PNLIPRP3: variants seen among roughly 807,000 people sequenced by gnomAD.
PNLIPRP3 encodes pancreatic lipase related protein 3.
In PNLIPRP3, 58 loss-of-function variants were observed where a neutral mutation model predicts 52.8. That is an observed-to-expected ratio of 1.10 (90% CI 0.89 to 1.37). The LOEUF (loss-of-function observed/expected upper bound fraction) is 1.37, where lower values mean the gene tolerates loss of function less well. PNLIPRP3 is among the 40% of genes most tolerant of loss of function. The probability of loss-of-function intolerance (pLI) is 0.00; values close to 1 mark genes in which losing one functional copy is unlikely to be tolerated. For missense variants in PNLIPRP3, 593 were observed against 561.6 expected (o/e 1.06, Z -0.57); for synonymous variants, 192 against 185.0 (o/e 1.04, Z -0.31).
At chr10:116,450,953 T>C (rs1264789014) in intron 4 of PNLIPRP3, among the ~76,000 whole-genome samples, 2 of 151,982 alleles carry the variant, frequency 1.3e-5, no homozygotes, top group Non-Finnish European at 2.9e-5. Context: ...TTGTGAAATG[T>C]ATATGGAAGC....
Position 116,442,974 on chromosome 10 carries a change from G to T in PNLIPRP3, c.205-81G>T, listed in dbSNP as rs779417711. ...AGATCAAATTTAGTGAAAGGCTTTC[G>T]AGCAGCTTTAGAATAGGTCTACTAA... On this transcript the variant is annotated intron_variant, in intron 2 of 11. Transcript: ENST00000369230. 309 of 1,076,560 alleles carry T rather than the reference G, an allele frequency of 2.9e-4. 1 individual carries two copies. The highest frequency in any genetic ancestry group is 3.7e-4 in the Non-Finnish European group (301 of 823,730). 66.7% of individuals were successfully genotyped at this position (1,076,560 alleles called of 1,614,324 possible).
chr10:116,456,463 A>G (rs1228266136), intron 5 of PNLIPRP3, among the ~76,000 whole-genome samples: 2 of 152,174 alleles, frequency 1.3e-5, no homozygotes, highest in Non-Finnish European at 2.9e-5. Context: ...ATGGACAACT[A>G]TTATATATCA....
intron 9 of PNLIPRP3, among the ~76,000 whole-genome samples, chr10:116,469,926 A>G (rs1006081126): frequency 2.6e-5 from 4 of 151,104 alleles, no homozygotes; most frequent in Non-Finnish European, 5.9e-5. Context: ...AGGCCACAAG[A>G]TGGAAGCAGG....
At chr10:116,451,151 T>C (rs1748915601) in intron 4 of PNLIPRP3, among the ~76,000 whole-genome samples, 1 of 152,068 alleles carries the variant, frequency 6.6e-6, no homozygotes. Context: ...TCCACAAGGG[T>C]GCCAAGAATA....
Position 116,475,157 on chromosome 10 carries a change from A to G in PNLIPRP3, c.1173-1495A>G, listed in dbSNP as rs546261192. 8.5e-5 allele frequency among the ~76,000 whole-genome samples: 13 copies of G among 152,328 alleles called. No homozygotes were observed. In the South Asian group the frequency reaches 2.7e-3, roughly 32 times the overall value. On this transcript the variant is annotated intron_variant, in intron 10 of 11. Transcript: ENST00000369230. ...AGGAACATGGATGGAGCTGGAGGCC[A>G]TTATCCTTAGCAAACTAATGCAGGA...
In PNLIPRP3 at chr10:116,476,654, G is replaced by GA; in HGVS notation, c.1179dup (p.Leu394ThrfsTer2). 1.3e-6 allele frequency: 2 copies of GA among 1,563,926 alleles called. No individual in the cohort carries two copies. The highest frequency in any genetic ancestry group is 2.8e-5 in the African/African-American group (2 of 72,232). ...ACGAGTCTTATTTTTGTTTACAGTG[G>GA]AAAACTTGAGCCAGGCATGACTTAC... On this transcript the variant is annotated frameshift_variant, in exon 11 of 12. Transcript: ENST00000369230. LOFTEE classifies it high-confidence loss of function.
chr10:116,437,972 A>C (rs1259741630), intron 2 of PNLIPRP3, among the ~76,000 whole-genome samples: 1 of 152,178 alleles, frequency 6.6e-6, no homozygotes, highest in Non-Finnish European at 1.5e-5. Flanking sequence ...AAACAGCCTG[A>C]ACTGCAGTAA....
intron 4 of PNLIPRP3, among the ~76,000 whole-genome samples, chr10:116,445,942 TG>T (rs750874368): frequency 2.0e-5 from 3 of 152,014 alleles, no homozygotes; most frequent in Non-Finnish European, 4.4e-5. Context: ...TGCTTGGGAA[TG>T]GGGTAGGAAG....
At chr10:116,459,446 C>T (rs1332901013) in intron 5 of PNLIPRP3, among the ~76,000 whole-genome samples, 2 of 152,086 alleles carry the variant, frequency 1.3e-5, no homozygotes, top group African/African-American at 4.8e-5. Flanking sequence ...TATATCACAG[C>T]AAAGGGATTT....
chr10:116,435,459 C>A (rs111547243), intron 1 of PNLIPRP3, among the ~76,000 whole-genome samples: 17,764 of 143,414 alleles, frequency 0.12, 1,276 homozygotes, highest in Admixed American at 0.24. Context: ...AAAAAAAAAA[C>A]CAACCAAACA....
chr10:116,436,453 T>C (rs1845775012), intron 1 of PNLIPRP3, among the ~76,000 whole-genome samples: 1 of 152,116 alleles, frequency 6.6e-6, no homozygotes, highest in Admixed American at 6.5e-5. Flanking sequence ...TTTTGGAATA[T>C]GACAACAAAA....
chr10:116,468,883 A>G (rs1415596739), intron 8 of PNLIPRP3, among the ~76,000 whole-genome samples: 1 of 152,234 alleles, frequency 6.6e-6, no homozygotes, highest in African/African-American at 2.4e-5. Flanking sequence ...TTTAATTAAC[A>G]TATGCTTGAC....
chr10:116,443,801 G>GTGTGTA lies in PNLIPRP3; in HGVS notation c.325-581_325-580insTGTGTA, dbSNP rs1845898955. ...TGTGTGTGTGTATGTATGTGTGTGT[G>GTGTGTA]CATATATATATATATATATATATAT... is the stretch of plus-strand genomic sequence containing the variant. On this transcript the variant is annotated intron_variant, in intron 3 of 11. Coordinates refer to ENST00000369230, the MANE Select transcript of PNLIPRP3 (RefSeq NM_001011709.3). Among the ~76,000 whole-genome samples the GTGTGTA allele has an allele frequency of 1.9e-3, 21 of 11,154 alleles. 2 individuals carry two copies. The East Asian group carries it at 0.025, about 13-fold the overall frequency. The allele number at this position is 11,154 out of a possible 152,430, so 7.3% of individuals were successfully genotyped here. A position where few individuals can be genotyped will look rare whatever the true frequency, so the allele number is the denominator to read the frequency against.
chr10:116,445,616 AGCTGTGG>A (rs1355311825), intron 4 of PNLIPRP3, among the ~76,000 whole-genome samples: 1 of 151,722 alleles, frequency 6.6e-6, no homozygotes, highest in Non-Finnish European at 1.5e-5. Flanking sequence ...TTAGGGCCTG[AGCTGTGG>A]GCTTTCCTAT....
chr10:116,451,828 A>G (rs1271233034), intron 4 of PNLIPRP3, among the ~76,000 whole-genome samples: 1 of 112,860 alleles, frequency 8.9e-6, no homozygotes, highest in African/African-American at 2.8e-5. Context: ...TAGCAACACA[A>G]GAATGAACTA....
At position 116,443,173 on chromosome 10, in the gene PNLIPRP3, A is replaced by T. The variant is rs1425139304; in HGVS notation, c.323A>T (p.Asn108Ile). The change falls in exon 3 of 12, where the codon AAT becomes ATT. Residue 108 changes from asparagine to isoleucine, a missense_variant and splice_region_variant. Transcript: ENST00000369230. The part of the protein sequence containing the change: ...TDGKWQRDMC[N>I]VLLQLEDINC... ...GGCAAATGGCAGAGAGACATGTGCA[A>T]TGTATGACATGAATAAGCTCCTTTT... 1 of 1,606,882 alleles carries T rather than the reference A, an allele frequency of 6.2e-7. No individual in the cohort carries two copies. Among genetic ancestry groups the T allele is most frequent in the Non-Finnish European group, 8.5e-7 (1 of 1,176,278 alleles).
chr10:116,433,494 C>T (rs980824636), intron 1 of PNLIPRP3, among the ~76,000 whole-genome samples: 11 of 152,184 alleles, frequency 7.2e-5, no homozygotes, highest in African/African-American at 2.2e-4. Context: ...AAAATAACAA[C>T]GGGTTTTCAT....
intron 7 of PNLIPRP3, among the ~76,000 whole-genome samples, chr10:116,461,917 C>T (rs60072620): frequency 0.058 from 8,778 of 152,090 alleles, 284 homozygotes; most frequent in East Asian, 0.14. Flanking sequence ...GGCAGGTTCA[C>T]GACAGTGAGG....
intron 4 of PNLIPRP3, among the ~76,000 whole-genome samples, chr10:116,453,682 C>G (rs1846071810): frequency 6.6e-6 from 1 of 152,116 alleles, no homozygotes; most frequent in African/African-American, 2.4e-5. Flanking sequence ...CCCCTCCCCA[C>G]TTGCCTTTTA....
Sources: gnomAD v4.1 joint callset for allele counts (sites outside exome capture counted in the v4.1 genomes callset) on GRCh38, gnomAD v4.1.1 for gene constraint, MANE v1.5 for transcripts, NCBI Gene and HGNC (gene_info 2026-07-23, HGNC 2026-07-21) for gene names.